Variants in FGF10 observed in about 807,000 individuals in gnomAD.
FGF10 encodes FGF-10.
A neutral mutation model predicts 19.8 loss-of-function variants in FGF10; 2 were observed. The observed-to-expected ratio is 0.10, with a 90% CI of 0.04 to 0.32. FGF10 has a LOEUF of 0.32. Among genes scored for constraint, FGF10 ranks in the 10% least tolerant of loss-of-function variants. The probability of loss-of-function intolerance (pLI) is 1.00; values close to 1 mark genes in which losing one functional copy is unlikely to be tolerated. For missense variants in FGF10, 191 were observed against 246.3 expected, an observed-to-expected ratio of 0.78 and a Z score of 1.50; for synonymous variants, 112 against 94.0, an observed-to-expected ratio of 1.19 and a Z score of -1.10.
At chr5:44,365,549 T>C (rs1561215733) in intron 1 of FGF10, among the ~76,000 whole-genome samples, 4 of 152,042 alleles carry the variant, frequency 2.6e-5, no homozygotes, top group East Asian at 1.9e-4. Context: ...ATGCTTGCAA[T>C]GAAAATGGTT....
In FGF10 at chr5:44,302,228, T is replaced by A. The variant is rs1447494552; in HGVS notation, c.*2767A>T. Among the ~76,000 whole-genome samples the A allele has an allele frequency of 6.6e-6, 1 of 151,944 alleles. No individual in the cohort carries two copies. Among genetic ancestry groups the A allele is most frequent in the Admixed American group, 6.6e-5 (1 of 15,212 alleles). On this transcript the variant is annotated 3_prime_UTR_variant, in exon 3 of 3. Coordinates refer to ENST00000264664, the MANE Select transcript of FGF10 (RefSeq NM_004465.2). ...TGTCATTACTCCTTACCAAACAATC[T>A]TTCTTTCTCTCTCCTTCCTTCCCTC...
At chr5:44,380,879 A>C (rs72764775) in intron 1 of FGF10, among the ~76,000 whole-genome samples, 5,015 of 152,106 alleles carry the variant, frequency 0.033, 122 homozygotes, top group Non-Finnish European at 0.047. Flanking sequence ...TGCAGTTCCA[A>C]CTGCTTGGGA....
At chr5:44,332,877 A>G (rs193081402) in intron 1 of FGF10, among the ~76,000 whole-genome samples, 142 of 152,160 alleles carry the variant, frequency 9.3e-4, no homozygotes, top group African/African-American at 3.2e-3. Flanking sequence ...GAGGAGAGAA[A>G]AGGGCAAGAG....
At chr5:44,356,988 T>C (rs1044748744) in intron 1 of FGF10, among the ~76,000 whole-genome samples, 23 of 151,300 alleles carry the variant, frequency 1.5e-4, no homozygotes, top group Non-Finnish European at 2.8e-4. Context: ...AAAAATCTAA[T>C]GTTTCACTTC....
chr5:44,324,267 A>T (rs1041601289), intron 1 of FGF10, among the ~76,000 whole-genome samples: 5 of 152,104 alleles, frequency 3.3e-5, no homozygotes, highest in Admixed American at 6.6e-5. Flanking sequence ...AACTGACTTG[A>T]CTTTGTATAT....
At chr5:44,321,497 A>G (rs935023994) in intron 1 of FGF10, among the ~76,000 whole-genome samples, 20 of 152,182 alleles carry the variant, frequency 1.3e-4, no homozygotes, top group Admixed American at 1.3e-3. Context: ...TGAATTGGTC[A>G]TTTTGTGTCA....
intron 1 of FGF10, among the ~76,000 whole-genome samples, chr5:44,323,769 C>A (rs780876354): frequency 2.7e-4 from 41 of 152,028 alleles, no homozygotes; most frequent in Non-Finnish European, 5.0e-4. Context: ...TCCCATTATC[C>A]TGTTTTACTT....
At chr5:44,336,712 T>C (rs545301447) in intron 1 of FGF10, among the ~76,000 whole-genome samples, 4 of 152,200 alleles carry the variant, frequency 2.6e-5, no homozygotes, top group Non-Finnish European at 5.9e-5. Flanking sequence ...AATTTAGAAC[T>C]GTGGTAAGAA....
intron 1 of FGF10, among the ~76,000 whole-genome samples, chr5:44,385,683 C>T (rs1362084552): frequency 2.0e-5 from 3 of 152,058 alleles, no homozygotes; most frequent in Admixed American, 1.3e-4. Context: ...GTTAGAGATC[C>T]TAGTATTTAA....
chr5:44,358,233 T>C (rs1006617971), intron 1 of FGF10, among the ~76,000 whole-genome samples: 6 of 151,524 alleles, frequency 4.0e-5, no homozygotes, highest in Admixed American at 2.6e-4. Flanking sequence ...AATTTCTTCA[T>C]AGCACTTCTG....
At chr5:44,373,938 A>G (rs924258138) in intron 1 of FGF10, among the ~76,000 whole-genome samples, 3 of 152,166 alleles carry the variant, frequency 2.0e-5, no homozygotes, top group Non-Finnish European at 2.9e-5. Flanking sequence ...TCTAAGTACC[A>G]TATCTGTATT....
At position 44,305,814 on chromosome 5, in the gene FGF10, G is replaced by T. The variant is rs187939197; in HGVS notation, c.430-622C>A. ...ATAGCTTGGAATTTTGACAGATTTT[G>T]CTCGTGAACTCTAGGGATTGAAAAC... On this transcript the variant is annotated intron_variant, in intron 2 of 2. Coordinates refer to ENST00000264664, the MANE Select transcript of FGF10 (RefSeq NM_004465.2). Among the ~76,000 whole-genome samples, 99 of 152,222 alleles carry T rather than the reference G, an allele frequency of 6.5e-4. No individual in the cohort carries two copies. The Middle Eastern group carries it at 0.01, about 16-fold the overall frequency.
intron 1 of FGF10, among the ~76,000 whole-genome samples, chr5:44,380,030 CT>C (rs1741952194): frequency 6.6e-6 from 1 of 152,178 alleles, no homozygotes; most frequent in Non-Finnish European, 1.5e-5. Context: ...TAGCACTTTT[CT>C]TTAATACTTG....
intron 1 of FGF10, among the ~76,000 whole-genome samples, chr5:44,317,065 T>A (rs1392565639): frequency 2.6e-5 from 4 of 152,206 alleles, no homozygotes; most frequent in African/African-American, 9.6e-5. Context: ...CATGTATTAA[T>A]ACTTGCTCTA....
chr5:44,374,226 C>A (rs1352193653), intron 1 of FGF10, among the ~76,000 whole-genome samples: 1 of 152,132 alleles, frequency 6.6e-6, no homozygotes, highest in African/African-American at 2.4e-5. Context: ...ATGCCTTCTG[C>A]CTTCTGTGCT....
At chr5:44,357,731 C>T (rs1229671797) in intron 1 of FGF10, among the ~76,000 whole-genome samples, 5 of 151,390 alleles carry the variant, frequency 3.3e-5, no homozygotes, top group African/African-American at 4.8e-5. Context: ...GACAAAGATG[C>T]CAATTGGGGG....
At chr5:44,305,613 A>T (rs532169862) in intron 2 of FGF10, among the ~76,000 whole-genome samples, 2 of 152,146 alleles carry the variant, frequency 1.3e-5, no homozygotes, top group Non-Finnish European at 2.9e-5. Context: ...AAGGAAAGAT[A>T]TGGGCTTGTC....
intron 1 of FGF10, among the ~76,000 whole-genome samples, chr5:44,382,516 A>G (rs1742007023): frequency 6.6e-6 from 1 of 152,146 alleles, no homozygotes; most frequent in East Asian, 1.9e-4. Context: ...GTACATTTCT[A>G]AGCTATTCTT....
rs1279258141 is a variant in FGF10 at position 44,303,550 on chromosome 5, T to C, written c.*1445A>G. 1 of 152,232 alleles carries C rather than the reference T, an allele frequency of 6.6e-6. No homozygotes were observed. Among genetic ancestry groups the C allele is most frequent in the Non-Finnish European group, 1.5e-5 (1 of 68,036 alleles). 9.4% of individuals were successfully genotyped at this position (152,232 alleles called of 1,614,324 possible). Reference sequence around the variant, plus strand: ...CTACAGACACTGCAAATAAGGCTTATGTATTTATTTAGTGGAATACAATGT... The same window carrying C: ...CTACAGACACTGCAAATAAGGCTTACGTATTTATTTAGTGGAATACAATGT... On this transcript the variant is annotated 3_prime_UTR_variant, in exon 3 of 3. Transcript: ENST00000264664.
Sources: gnomAD v4.1 joint callset for allele counts (sites outside exome capture counted in the v4.1 genomes callset) on GRCh38, gnomAD v4.1.1 for gene constraint, MANE v1.5 for transcripts, NCBI Gene and HGNC (gene_info 2026-07-23, HGNC 2026-07-21) for gene names.